Variants in DIAPH2 observed in about 807,000 individuals in gnomAD.
DIAPH2 encodes protein diaphanous homolog 2.
A neutral mutation model predicts 92.7 loss-of-function variants in DIAPH2; 35 were observed. That is an observed-to-expected ratio of 0.38 (90% confidence interval 0.29 to 0.50). The LOEUF (loss-of-function observed/expected upper bound fraction) is 0.50. DIAPH2 is among the 20% of genes least tolerant of loss of function. DIAPH2 has a pLI of 0.94. For missense variants in DIAPH2, 701 were observed against 819.5 expected (o/e 0.86, Z 1.77); for synonymous variants, 301 against 280.4 (o/e 1.07, Z -0.73).
intron 24 of DIAPH2, among the ~76,000 whole-genome samples, chrX:97,351,515 A>G (rs1428043121): frequency 1.8e-5 from 2 of 112,381 alleles, no homozygotes; most frequent in African/African-American, 6.5e-5. Context: ...AGAGGCCTTC[A>G]TAGAAAAAGT....
intron 5 of DIAPH2, chrX:96,884,211 C>T: frequency 2.9e-6 from 2 of 688,669 alleles, no homozygotes; most frequent in Non-Finnish European, 2.1e-6. Flanking sequence ...TCGAAGCCTT[C>T]TGTGGAGAGC....
intron 26 of DIAPH2, among the ~76,000 whole-genome samples, chrX:97,576,301 C>G (rs371821507): frequency 2.7e-5 from 3 of 111,460 alleles, no homozygotes; most frequent in African/African-American, 9.8e-5. Context: ...CCAACTTGTC[C>G]CAGACTGTAA....
intron 19 of DIAPH2, among the ~76,000 whole-genome samples, chrX:97,098,898 A>G (rs1487122409): frequency 2.7e-5 from 3 of 112,684 alleles, no homozygotes; most frequent in Admixed American, 1.9e-4. Flanking sequence ...AAATTTGAGC[A>G]TGCATCAGAC....
At chrX:96,905,957 A>G (rs773752442) in intron 5 of DIAPH2, among the ~76,000 whole-genome samples, 3 of 111,581 alleles carry the variant, frequency 2.7e-5, no homozygotes, top group Non-Finnish European at 5.7e-5. Flanking sequence ...ATGAAACCCC[A>G]TCTCCACTAA....
chrX:97,461,234 C>CTTTTTTTTTT, intron 26 of DIAPH2, among the ~76,000 whole-genome samples: 1 of 97,966 alleles, frequency 1.0e-5, no homozygotes, highest in Non-Finnish European at 2.0e-5. Flanking sequence ...ACTAGTTTGT[C>CTTTTTTTTTT]TTTTTTTTTT....
intron 4 of DIAPH2, among the ~76,000 whole-genome samples, chrX:96,778,328 A>C (rs2064391882): frequency 9.0e-6 from 1 of 111,174 alleles, no homozygotes; most frequent in African/African-American, 3.3e-5. Flanking sequence ...TAAGAATATT[A>C]CAATGAATAG....
chrX:97,524,987 C>G (rs1417354667), intron 26 of DIAPH2, among the ~76,000 whole-genome samples: 1 of 112,267 alleles, frequency 8.9e-6, no homozygotes, highest in African/African-American at 3.2e-5. Flanking sequence ...ATGTCAAAAT[C>G]TTAACTCTGC....
chrX:97,379,119 T>C (rs1243421412), intron 24 of DIAPH2, among the ~76,000 whole-genome samples: 1 of 111,798 alleles, frequency 8.9e-6, no homozygotes, highest in Non-Finnish European at 1.9e-5. Flanking sequence ...TTTTTTTTCT[T>C]TTCATGAGTG....
At chrX:97,127,898 CTTGGGAGGCTGAG>C (rs755958014) in intron 21 of DIAPH2, among the ~76,000 whole-genome samples, 3 of 110,909 alleles carry the variant, frequency 2.7e-5, no homozygotes, top group Non-Finnish European at 5.7e-5. Flanking sequence ...GTCCCAGCTA[CTTGGGAGGCTGAG>C]GTGGGAGGAT....
chrX:97,164,948 T>C (rs1035153469), intron 22 of DIAPH2, among the ~76,000 whole-genome samples: 3 of 112,260 alleles, frequency 2.7e-5, no homozygotes, highest in African/African-American at 9.7e-5. Flanking sequence ...GAAAGAAATA[T>C]TTTCAGGTAA....
At chrX:97,481,326 G>C (rs1466229958) in intron 26 of DIAPH2, among the ~76,000 whole-genome samples, 1 of 111,445 alleles carries the variant, frequency 9.0e-6, no homozygotes, top group African/African-American at 3.3e-5. Flanking sequence ...CACACAAGAA[G>C]TACCAAGTGG....
At chrX:97,592,565 GCA>G (rs2071524874) in intron 26 of DIAPH2, among the ~76,000 whole-genome samples, 1 of 111,423 alleles carries the variant, frequency 9.0e-6, no homozygotes, top group Non-Finnish European at 1.9e-5. Context: ...GTTACCTCTA[GCA>G]GATCTACATC....
At chrX:96,886,873 T>C (rs945829732) in intron 5 of DIAPH2, among the ~76,000 whole-genome samples, 4 of 109,088 alleles carry the variant, frequency 3.7e-5, no homozygotes, top group African/African-American at 1.3e-4. Context: ...GCCACTTGTT[T>C]TTCCTATACT....
At chrX:97,500,763 G>GATATATATATATAT (rs56041649) in intron 26 of DIAPH2, among the ~76,000 whole-genome samples, 3 of 60,108 alleles carry the variant, frequency 5.0e-5, no homozygotes, top group Non-Finnish European at 6.2e-5. Context: ...CATTCAAGGA[G>GATATATATATATAT]ATATATATAT....
intron 23 of DIAPH2, among the ~76,000 whole-genome samples, chrX:97,320,420 A>C (rs181939551): frequency 1.1e-4 from 12 of 110,411 alleles, no homozygotes; most frequent in Non-Finnish European, 5.7e-5. Flanking sequence ...CCTTAAAATT[A>C]TCTCTCAATT....
chrX:97,396,309 A>T (rs759967099), intron 25 of DIAPH2, among the ~76,000 whole-genome samples: 2 of 111,187 alleles, frequency 1.8e-5, no homozygotes, highest in South Asian at 3.8e-4. Context: ...ACTTTTTTTT[A>T]AATTATATTT....
In DIAPH2 at chrX:97,075,104, G is replaced by A. The variant is rs750514786; in HGVS notation, c.2153-63G>A. On this transcript the variant is annotated intron_variant, in intron 18 of 26. Coordinates refer to ENST00000324765, the MANE Select transcript of DIAPH2 (RefSeq NM_006729.5). ...TGAGTCTATGAAATGAAAATCAGACGTTTATTAGGACTTTAACATGTTGAT... is the reference window on the plus strand; with the variant it reads ...TGAGTCTATGAAATGAAAATCAGACATTTATTAGGACTTTAACATGTTGAT... 3.5e-4 allele frequency: 247 copies of A among 710,775 alleles called. No individual in the cohort carries two copies. In the African/African-American group the frequency reaches 4.7e-3, roughly 13 times the overall value. The allele number at this position is 710,775 out of a possible 1,213,427, so 58.6% of individuals were successfully genotyped here.
intron 26 of DIAPH2, among the ~76,000 whole-genome samples, chrX:97,557,643 G>C (rs1270162694): frequency 8.9e-6 from 1 of 112,421 alleles, no homozygotes; most frequent in East Asian, 2.8e-4. Context: ...AAGTGAAACA[G>C]TAGTTAATAA....
At position 96,991,612 on chromosome X, in the gene DIAPH2, C is replaced by CT. The variant is rs200665483; in HGVS notation, c.2050+26409dup. The stretch of plus-strand genomic sequence containing the variant: ...TGCTTCAATATTATTTTCTCTTTAA[C>CT]TTTTCATCAAGCTTTACAGTAAATC... On this transcript the variant is annotated intron_variant, in intron 17 of 26. Transcript: ENST00000324765. Among the ~76,000 whole-genome samples the CT allele has an allele frequency of 4.3e-3, 382 of 88,817 alleles. 4 individuals are homozygous for CT. The highest frequency in any genetic ancestry group is 0.016 in the African/African-American group (375 of 23,854). 77.1% of individuals were successfully genotyped at this position (88,817 alleles called of 115,157 possible). A position where few individuals can be genotyped will look rare whatever the true frequency, so the allele number is the denominator to read the frequency against.
Sources: allele counts gnomAD v4.1 joint callset (sites outside exome capture counted in the v4.1 genomes callset), GRCh38; gene constraint gnomAD v4.1.1; transcripts MANE v1.5; gene names NCBI Gene and HGNC (gene_info 2026-07-23, HGNC 2026-07-21).